ARID5B: variants seen among roughly 807,000 people sequenced by gnomAD.
ARID5B encodes AT-rich interaction domain 5B.
In ARID5B, 13 loss-of-function variants were observed where a neutral mutation model predicts 97.2. That is an observed-to-expected ratio of 0.13 (90% CI 0.09 to 0.21). The LOEUF (loss-of-function observed/expected upper bound fraction) is 0.21. Ranked by LOEUF, ARID5B falls within the 10% of genes least tolerant of loss-of-function variation. ARID5B has a pLI of 1.00. For synonymous variants in ARID5B, 556 were observed against 570.3 expected (o/e 0.97, Z 0.36); for missense variants, 1,210 against 1,465.3 (o/e 0.83, Z 2.84).
intron 4 of ARID5B, among the ~76,000 whole-genome samples, chr10:62,047,827 C>A (rs1018486777): frequency 6.6e-6 from 1 of 152,106 alleles, no homozygotes; most frequent in Non-Finnish European, 1.5e-5. Flanking sequence ...TTTTGCTGTC[C>A]CCAAAGCCAG....
intron 3 of ARID5B, among the ~76,000 whole-genome samples, chr10:61,952,512 T>C (rs1451251536): frequency 6.6e-6 from 1 of 152,252 alleles, no homozygotes; most frequent in Admixed American, 6.5e-5. Context: ...ATCAAAGCTA[T>C]ACCTAGTAGG....
rs113115654 is a variant in ARID5B at position 62,080,362 on chromosome 10, C to T, written c.1200-5340C>T. ...TACTGTGCTCAACCAGGGTTGTGCC[C>T]GCTGAGGAAACATTCTCATTTCTCT... On this transcript the variant is annotated intron_variant, in intron 8 of 9. Transcript: ENST00000279873. Among the ~76,000 whole-genome samples the T allele has an allele frequency of 3.3e-3, 506 of 152,278 alleles. 3 individuals carry two copies. The highest frequency in any genetic ancestry group is 0.011 in the African/African-American group (474 of 41,554).
At position 62,042,701 on chromosome 10, in the gene ARID5B, G is replaced by A. The variant is rs186573841; in HGVS notation, c.734-8187G>A. On this transcript the variant is annotated intron_variant, in intron 4 of 9. Transcript: ENST00000279873. The stretch of plus-strand genomic sequence containing the variant: ...ACGAGGCGGTTGGATCACGAGGTCA[G>A]GAGATCGAAACCATCCTGGCTAACA... Among the ~76,000 whole-genome samples the A allele has an allele frequency of 4.6e-5, 7 of 152,154 alleles. No homozygotes were observed. In the East Asian group the frequency reaches 1.2e-3, roughly 25 times the overall value.
intron 4 of ARID5B, among the ~76,000 whole-genome samples, chr10:62,039,905 CTATT>C (rs1265726166): frequency 6.6e-6 from 1 of 152,232 alleles, no homozygotes; most frequent in African/African-American, 2.4e-5. Context: ...ACTGACCTCT[CTATT>C]TATTCTCAGA....
At chr10:62,079,666 A>G (rs1242859291) in intron 8 of ARID5B, among the ~76,000 whole-genome samples, 1 of 152,074 alleles carries the variant, frequency 6.6e-6, no homozygotes, top group Non-Finnish European at 1.5e-5. Context: ...AGTACCACGT[A>G]CCTTTCTTTC....
At chr10:61,925,869 CGT>C (rs1844095420) in intron 2 of ARID5B, among the ~76,000 whole-genome samples, 1 of 152,116 alleles carries the variant, frequency 6.6e-6, no homozygotes, top group Admixed American at 6.5e-5. Context: ...AGGATGGTCG[CGT>C]TACATTTAAC....
At chr10:62,054,844 T>C (rs1321603959) in intron 5 of ARID5B, among the ~76,000 whole-genome samples, 2 of 152,112 alleles carry the variant, frequency 1.3e-5, no homozygotes, top group East Asian at 3.9e-4. Context: ...CAGACCTGAG[T>C]TCTAAACCCA....
chr10:62,002,952 G>A (rs963803254), intron 4 of ARID5B, among the ~76,000 whole-genome samples: 1 of 152,148 alleles, frequency 6.6e-6, no homozygotes, highest in Non-Finnish European at 1.5e-5. Context: ...ATCACCAGGT[G>A]GATGAATGGT....
At chr10:61,955,980 A>T (rs369866507) in intron 3 of ARID5B, among the ~76,000 whole-genome samples, 20 of 152,188 alleles carry the variant, frequency 1.3e-4, no homozygotes, top group African/African-American at 4.8e-4. Context: ...ACTTTTTAAT[A>T]TTTTCAATGA....
At chr10:62,014,449 G>T (rs958122871) in intron 4 of ARID5B, among the ~76,000 whole-genome samples, 6 of 152,094 alleles carry the variant, frequency 3.9e-5, no homozygotes, top group African/African-American at 1.4e-4. Context: ...GAAGGTAGGG[G>T]GTATGTTCCT....
intron 3 of ARID5B, among the ~76,000 whole-genome samples, chr10:61,952,180 A>T (rs1402841486): frequency 6.6e-6 from 1 of 152,092 alleles, no homozygotes; most frequent in African/African-American, 2.4e-5. Flanking sequence ...AACCACATGT[A>T]CTCAGTCCCC....
intron 2 of ARID5B, among the ~76,000 whole-genome samples, chr10:61,939,225 A>T (rs1463447567): frequency 6.6e-6 from 1 of 152,156 alleles, no homozygotes; most frequent in Non-Finnish European, 1.5e-5. Flanking sequence ...AAATGAAAGA[A>T]GTCAGTTCAA....
intron 8 of ARID5B, among the ~76,000 whole-genome samples, chr10:62,076,942 C>T (rs926320205): frequency 3.9e-5 from 6 of 152,186 alleles, no homozygotes; most frequent in African/African-American, 1.4e-4. Context: ...TGCAACACGG[C>T]CACCCTGCCA....
intron 8 of ARID5B, among the ~76,000 whole-genome samples, chr10:62,081,389 T>C (rs541643464): frequency 6.6e-6 from 1 of 152,374 alleles, no homozygotes; most frequent in African/African-American, 2.4e-5. Flanking sequence ...TATTAAGCAC[T>C]GTTTGCTAAA....
chr10:62,030,813 G>A (rs1233881686), intron 4 of ARID5B, among the ~76,000 whole-genome samples: 1 of 152,206 alleles, frequency 6.6e-6, no homozygotes, highest in Non-Finnish European at 1.5e-5. Context: ...TGTTTTTGGA[G>A]CGCAAAGGGT....
In ARID5B at chr10:61,940,328, A is replaced by C. The variant is rs150284163; in HGVS notation, c.422A>C (p.Glu141Ala). 1.4e-3 allele frequency: 2,201 copies of C among 1,614,174 alleles called. 4 individuals carry two copies. The highest frequency in any genetic ancestry group is 3.6e-3 in the Middle Eastern group (22 of 6,062). ...TEALGRNGQK[E>A]ALLKYRQSTL... ...GCCTTGGGAAGGAATGGACAGAAGG[A>C]AGCTCTGCTGAAGTACAGGCAGTCA... The change falls in exon 3 of 10, where the codon GAA becomes GCA. Residue 141 changes from glutamate to alanine, a missense_variant. Physicochemically the swap from Glu to Ala is moderately radical, Grantham distance 107. This residue lies in a region of ARID5B where 82 missense variants were observed against 79.3 expected (regional missense o/e 1.03). Transcript: ENST00000279873.
chr10:62,082,655 A>T (rs1331835831), intron 8 of ARID5B, among the ~76,000 whole-genome samples: 2 of 152,194 alleles, frequency 1.3e-5, no homozygotes, highest in Admixed American at 1.3e-4. Context: ...TGTTGACCTA[A>T]TCTAAGGCTA....
chr10:62,032,815 T>C (rs1331585981), intron 4 of ARID5B, among the ~76,000 whole-genome samples: 1 of 152,224 alleles, frequency 6.6e-6, no homozygotes, highest in Non-Finnish European at 1.5e-5. Context: ...GAACCTTAAA[T>C]GTTTCATCTT....
intron 3 of ARID5B, among the ~76,000 whole-genome samples, chr10:61,945,175 C>G (rs1309439666): frequency 6.6e-5 from 10 of 152,140 alleles, no homozygotes; most frequent in Non-Finnish European, 1.2e-4. Flanking sequence ...TACCTGAGTG[C>G]TCTCATGAAT....
Sources: gnomAD v4.1 joint callset for allele counts (sites outside exome capture counted in the v4.1 genomes callset) on GRCh38, gnomAD v4.1.1 for gene constraint, gnomAD v4.1.1 regional missense constraint, MANE v1.5 for transcripts, NCBI Gene and HGNC (gene_info 2026-07-23, HGNC 2026-07-21) for gene names.